Variants in CDKL1 observed in about 807,000 individuals in gnomAD.
CDKL1 encodes the protein cyclin-dependent kinase-like 1.
CDKL1 carries 41 observed loss-of-function variants against 42.0 expected under a neutral mutation model. The observed-to-expected ratio is 0.98, with a 90% confidence interval of 0.76 to 1.27. The LOEUF is 1.27. Ranked by LOEUF, CDKL1 falls within the 50% of genes most tolerant of loss-of-function variation. The pLI is 0.00. For synonymous variants in CDKL1, 153 were observed against 158.6 expected, an observed-to-expected ratio of 0.96 and a Z score of 0.26; for missense variants, 394 against 428.4, an observed-to-expected ratio of 0.92 and a Z score of 0.71.
chr14:50,359,255 CTTA>C, intron 2 of CDKL1, 106 bp from the exon 3 acceptor site: 1 of 1,332,744 alleles, frequency 7.5e-7, no homozygotes, highest in East Asian at 2.5e-5. Flanking sequence ...GAATTTCATT[CTTA>C]GATTGAAGGA....
chr14:50,377,745 A>AGT (rs1208993552), intron 2 of CDKL1: 4 of 1,244,654 alleles, frequency 3.2e-6, no homozygotes, highest in Non-Finnish European at 4.2e-6. Context: ...GTGGCACATG[A>AGT]GTGGTATGCG....
At chr14:50,338,631 C>T (rs934980627) in intron 7 of CDKL1, among the ~76,000 whole-genome samples, 7 of 152,076 alleles carry the variant, frequency 4.6e-5, no homozygotes, top group Non-Finnish European at 7.4e-5. Context: ...TTAACTTTAC[C>T]TTGATAGGTC....
chr14:50,362,517 G>A (rs1369961059), intron 2 of CDKL1: 4 of 187,588 alleles, frequency 2.1e-5, no homozygotes, highest in African/African-American at 9.5e-5. Context: ...TCTGTAACTA[G>A]TTACTCTGGT....
intron 8 of CDKL1, chr14:50,332,701 G>A: frequency 3.3e-6 from 5 of 1,531,874 alleles, no homozygotes; most frequent in Non-Finnish European, 4.4e-6. Flanking sequence ...CCCTGGGAGA[G>A]TAAGATATAA....
intron 7 of CDKL1, among the ~76,000 whole-genome samples, chr14:50,338,341 C>A (rs1433284879): frequency 2.0e-5 from 3 of 152,228 alleles, no homozygotes; most frequent in African/African-American, 7.2e-5. Context: ...AATTCTCCTG[C>A]CTCAGCCTCC....
intron 2 of CDKL1, among the ~76,000 whole-genome samples, chr14:50,360,430 C>A (rs181209537): frequency 6.6e-6 from 1 of 152,086 alleles, no homozygotes; most frequent in Non-Finnish European, 1.5e-5. Flanking sequence ...TTTTTTGAGA[C>A]GGAGTCTCAC....
chr14:50,328,028 C>T lies in CDKL1; in HGVS notation c.*2046G>A, dbSNP rs184390218. The T allele has an allele frequency of 6.1e-4, 93 of 152,114 alleles. No homozygotes were observed. The highest frequency in any genetic ancestry group is 1.9e-3 in the African/African-American group (80 of 41,502). The allele number at this position is 152,114 out of a possible 1,614,324, so 9.4% of individuals were successfully genotyped here. On this transcript the variant is annotated 3_prime_UTR_variant, in exon 10 of 10. Coordinates refer to ENST00000395834, the MANE Select transcript of CDKL1 (RefSeq NM_004196.7). ...AAATTGAACATAAGCATAAATTTAACGGAACTCATTAGAAAAAAATAAGCC... is the reference window on the plus strand; with the variant it reads ...AAATTGAACATAAGCATAAATTTAATGGAACTCATTAGAAAAAAATAAGCC...
At chr14:50,351,995 T>C (rs1053664714) in intron 3 of CDKL1, among the ~76,000 whole-genome samples, 1 of 152,194 alleles carries the variant, frequency 6.6e-6, no homozygotes, top group African/African-American at 2.4e-5. Flanking sequence ...TCTCTCACAA[T>C]AGAAAGGCTT....
At position 50,343,041 on chromosome 14, in the gene CDKL1, A is replaced by T. The variant is rs777804878; in HGVS notation, c.364-819T>A. On this transcript the variant is annotated intron_variant, in intron 4 of 9. Transcript: ENST00000395834. Reference sequence around the variant, plus strand: ...CTGTGGTTTCCAGCCCACAGCCAACATTCTTAAACAGGGTGATCTTAGAGA... The same window carrying T: ...CTGTGGTTTCCAGCCCACAGCCAACTTTCTTAAACAGGGTGATCTTAGAGA... The T allele has an allele frequency of 5.2e-6, 7 of 1,345,800 alleles. No individual in the cohort carries two copies. In the East Asian group the frequency reaches 2.8e-4, roughly 55 times the overall value. 83.4% of individuals were successfully genotyped at this position (1,345,800 alleles called of 1,614,324 possible). A position where few individuals can be genotyped will look rare whatever the true frequency, so the allele number is the denominator to read the frequency against.
At chr14:50,356,068 C>G (rs905206627) in intron 3 of CDKL1, among the ~76,000 whole-genome samples, 2 of 152,154 alleles carry the variant, frequency 1.3e-5, no homozygotes, top group Admixed American at 6.5e-5. Context: ...GAAGTGATCA[C>G]AGGACATTCT....
At chr14:50,367,116 A>C (rs2034456356) in intron 2 of CDKL1, among the ~76,000 whole-genome samples, 1 of 152,196 alleles carries the variant, frequency 6.6e-6, no homozygotes, top group Non-Finnish European at 1.5e-5. Context: ...GAAACACGAA[A>C]GGGGAAAGGG....
chr14:50,391,501 G>T (rs1447122519), intron 2 of CDKL1, among the ~76,000 whole-genome samples: 1 of 152,104 alleles, frequency 6.6e-6, no homozygotes, highest in East Asian at 1.9e-4. Flanking sequence ...TCCTGTCTCA[G>T]ACTCCCAAGT....
At position 50,326,724 on chromosome 14, in the gene CDKL1, T is replaced by C. The variant is rs548340695; in HGVS notation, c.*3350A>G. The stretch of plus-strand genomic sequence containing the variant: ...GGAAACAGTAAAAACTAGTGGGCTA[T>C]GCTTAGGTTTTTCTTGAAACCTAAC... On this transcript the variant is annotated 3_prime_UTR_variant, in exon 10 of 10. Coordinates refer to ENST00000395834, the MANE Select transcript of CDKL1 (RefSeq NM_004196.7). The C allele has an allele frequency of 4.6e-5, 45 of 985,478 alleles. No homozygotes were observed. In the African/African-American group the frequency reaches 7.3e-4, roughly 16 times the overall value. 61.0% of individuals were successfully genotyped at this position (985,478 alleles called of 1,614,324 possible).
intron 2 of CDKL1, among the ~76,000 whole-genome samples, chr14:50,364,845 T>A (rs542709052): frequency 6.6e-6 from 1 of 152,358 alleles, no homozygotes; most frequent in South Asian, 2.1e-4. Context: ...TATTTATATA[T>A]CTTAAGGTGC....
upstream of CDKL1, chr14:50,397,216 A>C (rs780648503): frequency 4.4e-6 from 6 of 1,366,300 alleles, no homozygotes; most frequent in Admixed American, 7.6e-5. Context: ...CAGTCCCCAC[A>C]CCTCAGAACC....
In CDKL1 at chr14:50,326,483, G is replaced by A. The variant is rs1713392843; in HGVS notation, c.*3591C>T. 1.0e-6 allele frequency: 1 copy of A among 985,262 alleles called. No individual in the cohort carries two copies. Among genetic ancestry groups the A allele is most frequent in the Non-Finnish European group, 1.2e-6 (1 of 829,922 alleles). 61.0% of individuals were successfully genotyped at this position (985,262 alleles called of 1,614,324 possible). ...ATTGATGGAGTCAATTATGCAAAGT[G>A]GTCAGTGGTTGTTGAAGCATGCATT... On this transcript the variant is annotated 3_prime_UTR_variant, in exon 10 of 10. Transcript: ENST00000395834.
intron 3 of CDKL1, among the ~76,000 whole-genome samples, chr14:50,351,745 A>AG (rs1439343275): frequency 6.6e-6 from 1 of 152,048 alleles, no homozygotes; most frequent in Admixed American, 6.6e-5. Flanking sequence ...AAAAAAAAAA[A>AG]AAAAAAGGTC....
At chr14:50,367,555 G>A (rs531257314) in intron 2 of CDKL1, among the ~76,000 whole-genome samples, 1 of 152,304 alleles carries the variant, frequency 6.6e-6, no homozygotes, top group South Asian at 2.1e-4. Context: ...ACGTACAAAC[G>A]AATTAGATGA....
Position 50,395,981 on chromosome 14 carries a change from TCGA to T in CDKL1, c.-116_-114del. ...GGGCAGATCACCTGAGGTCAGGAGT[TCGA>T]GACCAGTCTGGCCAACATACTGAAA... is the stretch of plus-strand genomic sequence containing the variant. On this transcript the variant is annotated 5_prime_UTR_variant, in exon 2 of 10. Transcript: ENST00000395834. The T allele has an allele frequency of 9.2e-7, 1 of 1,088,572 alleles. No individual in the cohort carries two copies. The highest frequency in any genetic ancestry group is 1.3e-6 in the Non-Finnish European group (1 of 745,976). The allele number at this position is 1,088,572 out of a possible 1,614,324, so 67.4% of individuals were successfully genotyped here.
Sources: gnomAD v4.1 joint callset for allele counts (sites outside exome capture counted in the v4.1 genomes callset) on GRCh38, gnomAD v4.1.1 for gene constraint, MANE v1.5 for transcripts, NCBI Gene and HGNC (gene_info 2026-07-23, HGNC 2026-07-21) for gene names.